TCERG1L: variants seen among roughly 807,000 people sequenced by gnomAD.
The protein encoded by TCERG1L is transcription elongation regulator 1-like protein.
TCERG1L carries 37 observed loss-of-function variants against 56.3 expected under a neutral mutation model. The observed-to-expected ratio is 0.66, with a 90% confidence interval of 0.51 to 0.87. TCERG1L has a LOEUF of 0.87. Ranked by LOEUF, TCERG1L falls within the 40% of genes least tolerant of loss-of-function variation. TCERG1L has a pLI of 0.00. For missense variants in TCERG1L, 799 were observed against 774.2 expected, an observed-to-expected ratio of 1.03 and a Z score of -0.38; for synonymous variants, 324 against 326.3, an observed-to-expected ratio of 0.99 and a Z score of 0.08.
At chr10:131,218,505 T>TTATG (rs1423340235) in intron 4 of TCERG1L, among the ~76,000 whole-genome samples, 1 of 152,034 alleles carries the variant, frequency 6.6e-6, no homozygotes, top group Non-Finnish European at 1.5e-5. Context: ...ATTTATTTAT[T>TTATG]TATTTGAGAC....
chr10:131,178,592 A>C (rs991498975), intron 4 of TCERG1L, among the ~76,000 whole-genome samples: 4 of 152,080 alleles, frequency 2.6e-5, no homozygotes, highest in Non-Finnish European at 5.9e-5. Flanking sequence ...TAATTTGAAA[A>C]CTGGGTGTGG....
Position 131,150,792 on chromosome 10 carries a change from T to C in TCERG1L, c.1035-4132A>G, listed in dbSNP as rs138588121. On this transcript the variant is annotated intron_variant, in intron 6 of 11. Transcript: ENST00000368642. Reference sequence around the variant, plus strand: ...CTGTATGAGTCCATTCTCACATTGCTGTAAGGAGATACCTGAGACTGGGTA... The same window carrying C: ...CTGTATGAGTCCATTCTCACATTGCCGTAAGGAGATACCTGAGACTGGGTA... Among the ~76,000 whole-genome samples, 294 of 152,282 alleles carry C rather than the reference T, an allele frequency of 1.9e-3. 5 individuals are homozygous for C. In the East Asian group the frequency reaches 0.024, roughly 13 times the overall value.
intron 6 of TCERG1L, among the ~76,000 whole-genome samples, chr10:131,147,668 G>T (rs1845813456): frequency 6.6e-6 from 1 of 152,236 alleles, no homozygotes; most frequent in Non-Finnish European, 1.5e-5. Flanking sequence ...GGTCCCTCTG[G>T]CTCCGCAAGT....
intron 4 of TCERG1L, among the ~76,000 whole-genome samples, chr10:131,199,368 T>A (rs1333205191): frequency 1.3e-5 from 2 of 152,188 alleles, no homozygotes; most frequent in African/African-American, 4.8e-5. Context: ...CATTTTACTA[T>A]AAGGTCAAAA....
intron 4 of TCERG1L, among the ~76,000 whole-genome samples, chr10:131,238,293 G>T (rs774192293): frequency 3.9e-5 from 6 of 152,160 alleles, no homozygotes; most frequent in South Asian, 2.1e-4. Flanking sequence ...GTTCCCCTGG[G>T]GATAATATTT....
intron 4 of TCERG1L, among the ~76,000 whole-genome samples, chr10:131,214,097 TATGAATTCAC>T (rs1845645288): frequency 6.6e-6 from 1 of 152,182 alleles, no homozygotes; most frequent in Non-Finnish European, 1.5e-5. Context: ...GGCAGTCATT[TATGAATTCAC>T]AAGCCCTTGA....
intron 4 of TCERG1L, among the ~76,000 whole-genome samples, chr10:131,173,155 T>A (rs1182202857): frequency 6.6e-6 from 1 of 152,118 alleles, no homozygotes; most frequent in Non-Finnish European, 1.5e-5. Flanking sequence ...CCTCCCAAAG[T>A]GCTGGGATTA....
At chr10:131,120,804 A>C (rs1423109072) in intron 8 of TCERG1L, among the ~76,000 whole-genome samples, 1 of 152,194 alleles carries the variant, frequency 6.6e-6, no homozygotes, top group Non-Finnish European at 1.5e-5. Flanking sequence ...GAGATGGTCC[A>C]CATCGACCTC....
chr10:131,115,653 T>C (rs927104046), intron 9 of TCERG1L, among the ~76,000 whole-genome samples: 2 of 152,102 alleles, frequency 1.3e-5, no homozygotes, highest in African/African-American at 4.8e-5. Context: ...CGCCTTTGAG[T>C]AAATGATGAA....
intron 3 of TCERG1L, among the ~76,000 whole-genome samples, chr10:131,279,491 G>A (rs1288608239): frequency 1.3e-5 from 2 of 152,076 alleles, no homozygotes; most frequent in Admixed American, 1.3e-4. Context: ...CCCAGCAGGG[G>A]CCAAAAAAAT....
intron 4 of TCERG1L, among the ~76,000 whole-genome samples, chr10:131,169,896 G>A (rs1846071124): frequency 6.6e-6 from 1 of 151,992 alleles, no homozygotes; most frequent in South Asian, 2.1e-4. Context: ...ATTACCTTGA[G>A]AAAACATATT....
At chr10:131,109,309 T>C (rs1464997269) in intron 9 of TCERG1L, among the ~76,000 whole-genome samples, 2 of 152,178 alleles carry the variant, frequency 1.3e-5, no homozygotes, top group Non-Finnish European at 2.9e-5. Context: ...CTGTACATCG[T>C]CACATCACGC....
intron 6 of TCERG1L, among the ~76,000 whole-genome samples, chr10:131,153,026 T>C (rs1845882382): frequency 6.6e-6 from 1 of 152,058 alleles, no homozygotes; most frequent in South Asian, 2.1e-4. Flanking sequence ...GAGGTAAGAT[T>C]TGGGAGGGGA....
At chr10:131,166,725 G>T in intron 5 of TCERG1L, 72 bp downstream of exon 5, 1 of 1,434,428 alleles carries the variant, frequency 7.0e-7, no homozygotes. Flanking sequence ...ACAAGCGTGA[G>T]GGTGTCCTGG....
chr10:131,230,736 G>T (rs140778733), intron 4 of TCERG1L, among the ~76,000 whole-genome samples: 2 of 152,168 alleles, frequency 1.3e-5, no homozygotes, highest in Non-Finnish European at 2.9e-5. Context: ...CCAGGGCCAC[G>T]CATGGCTACT....
chr10:131,157,656 A>C (rs1845938381), intron 6 of TCERG1L, among the ~76,000 whole-genome samples: 1 of 152,234 alleles, frequency 6.6e-6, no homozygotes, highest in Non-Finnish European at 1.5e-5. Context: ...TTCTACTGTT[A>C]ACATGCCTAA....
intron 4 of TCERG1L, among the ~76,000 whole-genome samples, chr10:131,250,147 A>G (rs1248152903): frequency 6.6e-6 from 1 of 152,222 alleles, no homozygotes; most frequent in Non-Finnish European, 1.5e-5. Context: ...GGGGGCTGGC[A>G]GAGCCCACCT....
intron 4 of TCERG1L, among the ~76,000 whole-genome samples, chr10:131,239,707 T>C (rs748183433): frequency 6.6e-6 from 1 of 152,158 alleles, no homozygotes; most frequent in Non-Finnish European, 1.5e-5. Flanking sequence ...CCACGATAGA[T>C]TGCTTCCGGT....
At chr10:131,268,564 C>T (rs187198841) in intron 3 of TCERG1L, among the ~76,000 whole-genome samples, 14 of 152,086 alleles carry the variant, frequency 9.2e-5, no homozygotes, top group African/African-American at 2.2e-4. Flanking sequence ...AAGTCCTAGA[C>T]GGCATCTTCT....
Sources: gnomAD v4.1 joint callset for allele counts (sites outside exome capture counted in the v4.1 genomes callset) on GRCh38, gnomAD v4.1.1 for gene constraint, MANE v1.5 for transcripts, NCBI Gene and HGNC (gene_info 2026-07-23, HGNC 2026-07-21) for gene names.